LTBR: variants seen among roughly 807,000 people sequenced by gnomAD.
The protein encoded by LTBR is lymphotoxin beta receptor, also known as tumor necrosis factor receptor superfamily member 3.
Under a neutral mutation model 45.4 loss-of-function variants are expected in LTBR, and 15 were observed. The ratio of observed to expected loss-of-function variants is 0.33; its 90% CI spans 0.22 to 0.51. The LOEUF is 0.51. Ranked by LOEUF, LTBR falls within the 20% of genes least tolerant of loss-of-function variation. LTBR has a pLI of 0.97. For missense variants in LTBR, 450 were observed against 565.5 expected (o/e 0.80, Z 2.07); for synonymous variants, 228 against 231.0 (o/e 0.99, Z 0.12).
upstream of LTBR, among the ~76,000 whole-genome samples, chr12:6,381,240 C>T (rs963329140): frequency 6.6e-6 from 1 of 152,118 alleles, no homozygotes; most frequent in Non-Finnish European, 1.5e-5. Flanking sequence ...GCATCAAAGA[C>T]CAAGAAGCCT....
At position 6,391,107 on chromosome 12, in the gene LTBR, T is replaced by G. The variant is rs1592103482; in HGVS notation, c.*170T>G. 1.6e-6 allele frequency: 1 copy of G among 638,426 alleles called. No individual in the cohort carries two copies. The highest frequency in any genetic ancestry group is 3.3e-5 in the East Asian group (1 of 30,528). 39.5% of individuals were successfully genotyped at this position (638,426 alleles called of 1,614,324 possible). Reference sequence around the variant, plus strand: ...GCAGGTGGGCACTGGCTGGGTACGGTGCCCTCCACAGGACTCTCCCTACTG... The same window carrying G: ...GCAGGTGGGCACTGGCTGGGTACGGGGCCCTCCACAGGACTCTCCCTACTG... On this transcript the variant is annotated 3_prime_UTR_variant, in exon 10 of 10. Transcript: ENST00000228918.
rs776579544 is a variant in LTBR, at chr12:6,386,477, G to T, written c.667+33G>T. ...ACCAGGGCTGAGGGACACGGGGGGG[G>T]CGCCTCTGAAAATGCCTTAATGCTC... On this transcript the variant is annotated intron_variant, in intron 6 of 9. Coordinates refer to ENST00000228918, the MANE Select transcript of LTBR (RefSeq NM_002342.3). The surrounding 1 kb of genome is among the most constrained non-coding windows in gnomAD (Gnocchi z 4.1). 1 of 1,563,066 alleles carries T rather than the reference G, an allele frequency of 6.4e-7. No homozygotes were observed. The highest frequency in any genetic ancestry group is 8.8e-7 in the Non-Finnish European group (1 of 1,135,610).
upstream of LTBR, chr12:6,375,255 T>C: frequency 7.0e-7 from 1 of 1,437,592 alleles, no homozygotes; most frequent in Non-Finnish European, 9.1e-7. Flanking sequence ...CTCCTCTTTC[T>C]GGCCTGCCTC....
chr12:6,386,006 C>G lies in LTBR; in HGVS notation c.473-60C>G. ...TGAGGCTTAAAGGAAACTCACAGGC[C>G]GGCAAAGGGCCCCTCCCTTTTGCCC... On this transcript the variant is annotated intron_variant, in intron 4 of 9. Transcript: ENST00000228918. This position sits in a 1 kb window ranked among gnomAD's most constrained non-coding sequence, Gnocchi z 4.1. 8.4e-7 allele frequency: 1 copy of G among 1,192,522 alleles called. No individual in the cohort carries two copies. Among genetic ancestry groups the G allele is most frequent in the Non-Finnish European group, 1.3e-6 (1 of 798,808 alleles). The allele number at this position is 1,192,522 out of a possible 1,614,324, so 73.9% of individuals were successfully genotyped here.
upstream of LTBR, among the ~76,000 whole-genome samples, chr12:6,383,821 C>T (rs755096190): frequency 5.3e-5 from 8 of 152,370 alleles, no homozygotes; most frequent in East Asian, 9.6e-4. Flanking sequence ...TCCATGACTG[C>T]CCGTCCTGGG....
rs771334231 is a variant in LTBR, at chr12:6,388,515, G to A, written c.775+10G>A. Reference sequence around the variant, plus strand: ...CTCTGCAGGAAACTGGGTAGGAAAGGGTTGGATGCAGTGGATGGTTGGCAA... The same window carrying A: ...CTCTGCAGGAAACTGGGTAGGAAAGAGTTGGATGCAGTGGATGGTTGGCAA... On this transcript the variant is annotated intron_variant, in intron 7 of 9. Transcript: ENST00000228918. The surrounding 1 kb of genome is among the most constrained non-coding windows in gnomAD (Gnocchi z 4.3). The A allele has an allele frequency of 6.2e-7, 1 of 1,611,194 alleles. No individual in the cohort carries two copies. Among genetic ancestry groups the A allele is most frequent in the Non-Finnish European group, 8.5e-7 (1 of 1,177,438 alleles).
At position 6,390,323 on chromosome 12, in the gene LTBR, A is replaced by G; in HGVS notation, c.1013A>G (p.Gln338Arg). 2 of 1,605,980 alleles carry G rather than the reference A, an allele frequency of 1.2e-6. No homozygotes were observed. Among genetic ancestry groups the G allele is most frequent in the Non-Finnish European group, 1.7e-6 (2 of 1,174,752 alleles). Residue 338 changes from glutamine (Q) to arginine (R), a missense_variant, in exon 9 of 10, where the codon CAG becomes CGG. By Grantham distance (43) the Gln-to-Arg change is conservative. Around this residue, in one of 3 missense-constraint regions of LTBR, gnomAD observed 367 missense variants for 435.4 expected, o/e 0.84. Transcript: ENST00000228918. ...GAGCCGCAGTTGGAACCCGGGGAGC[A>G]GAGCCAGGTGGCCCACGGTGAGCCT... ...TREPQLEPGE[Q>R]SQVAHGTNGI...
intron 6 of LTBR, chr12:6,387,643 A>T (rs1035173456): frequency 8.6e-6 from 2 of 232,122 alleles, no homozygotes; most frequent in Non-Finnish European, 1.8e-5. Flanking sequence ...GAAATGCGGG[A>T]GTCCTCCCGC....
chr12:6,376,766 C>G (rs1026100952), intron 1 of LTBR, among the ~76,000 whole-genome samples: 1 of 152,046 alleles, frequency 6.6e-6, no homozygotes, highest in African/African-American at 2.4e-5. Flanking sequence ...GGAAGGCTGC[C>G]GCTTCCTCAC....
chr12:6,379,850 A>T (rs952115870), upstream of LTBR, among the ~76,000 whole-genome samples: 1 of 151,396 alleles, frequency 6.6e-6, no homozygotes, highest in Non-Finnish European at 1.5e-5. Flanking sequence ...GGAGAATGGC[A>T]TAAAACCGGG....
intron 8 of LTBR, 145 bp from the exon 9 acceptor site, chr12:6,389,967 A>AAGAGAGAGAGAGAAAGAG: frequency 1.6e-6 from 1 of 639,296 alleles, no homozygotes; most frequent in Non-Finnish European, 2.7e-6. Context: ...GAAAGAAAGA[A>AAGAGAGAGAGAGAAAGAG]AGAGAGAGAG....
At chr12:6,376,208 G>A (rs946380933) in intron 1 of LTBR, 20 of 984,362 alleles carry the variant, frequency 2.0e-5, no homozygotes, top group South Asian at 4.7e-5. Context: ...GGTGGGATGC[G>A]TCTGCCTCCT....
intron 4 of LTBR, 76 bp downstream of exon 4, chr12:6,385,455 G>A: frequency 6.6e-7 from 1 of 1,511,266 alleles, no homozygotes. Flanking sequence ...AGGGAATATG[G>A]TACTGTGTCC....
intron 4 of LTBR, 71 bp downstream of exon 4, chr12:6,385,450 A>C: frequency 6.4e-7 from 1 of 1,573,448 alleles, no homozygotes; most frequent in Non-Finnish European, 8.7e-7. Context: ...GGAGCAGGGA[A>C]TATGGTACTG....
chr12:6,379,811 T>C (rs1009984957), upstream of LTBR, among the ~76,000 whole-genome samples: 5 of 151,850 alleles, frequency 3.3e-5, no homozygotes, highest in Non-Finnish European at 5.9e-5. Context: ...TGCACGCCTG[T>C]AGTCCCAGCT....
intron 1 of LTBR, chr12:6,375,636 G>C: frequency 1.3e-6 from 2 of 1,489,384 alleles, no homozygotes; most frequent in Non-Finnish European, 1.8e-6. Context: ...AGTCAGAGCC[G>C]GGAGTTTTCC....
At chr12:6,379,413 C>A (rs1241761196), upstream of LTBR, among the ~76,000 whole-genome samples, 1 of 152,238 alleles carries the variant, frequency 6.6e-6, no homozygotes, top group Non-Finnish European at 1.5e-5. Context: ...TCCCTGTTCA[C>A]TTCTATCCTT....
rs535422792 is a variant in LTBR at position 6,391,120 on chromosome 12, A to T, written c.*183A>T. Reference sequence around the variant, plus strand: ...GGCTGGGTACGGTGCCCTCCACAGGACTCTCCCTACTGCCTGAGCAAACCT... The same window carrying T: ...GGCTGGGTACGGTGCCCTCCACAGGTCTCTCCCTACTGCCTGAGCAAACCT... On this transcript the variant is annotated 3_prime_UTR_variant, in exon 10 of 10. Coordinates refer to ENST00000228918, the MANE Select transcript of LTBR (RefSeq NM_002342.3). 1.8e-6 allele frequency: 1 copy of T among 544,304 alleles called. No individual in the cohort carries two copies. The highest frequency in any genetic ancestry group is 4.4e-5 in the South Asian group (1 of 22,524). The allele number at this position is 544,304 out of a possible 1,614,324, so 33.7% of individuals were successfully genotyped here.
chr12:6,378,598 A>C lies in LTBR; in HGVS notation c.39+3004A>C, dbSNP rs75564455. Among the ~76,000 whole-genome samples, 1,095 of 152,276 alleles carry C rather than the reference A, an allele frequency of 7.2e-3. 11 individuals carry two copies. Among genetic ancestry groups the C allele is most frequent in the African/African-American group, 0.024 (979 of 41,562 alleles). Reference sequence around the variant, plus strand: ...AAAGACTTTTTCCAGCTGACCTTGCATCTAGCCCCCTGCTTCATGCATGAG... The same window carrying C: ...AAAGACTTTTTCCAGCTGACCTTGCCTCTAGCCCCCTGCTTCATGCATGAG... On this transcript the variant is annotated intron_variant, in intron 1 of 9. Transcript: ENST00000539925.
Sources: gnomAD v4.1 joint callset for allele counts (sites outside exome capture counted in the v4.1 genomes callset) on GRCh38, gnomAD v4.1.1 for gene constraint, gnomAD v4.1.1 regional missense constraint, Gnocchi (gnomAD v3.1) non-coding constraint, MANE v1.5 for transcripts, NCBI Gene and HGNC (gene_info 2026-07-23, HGNC 2026-07-21) for gene names.